ABCC1: variants seen among roughly 807,000 people sequenced by gnomAD.
ABCC1 encodes multidrug resistance-associated protein 1.
Under a neutral mutation model 172.9 loss-of-function variants are expected in ABCC1, and 83 were observed. That is an observed-to-expected ratio of 0.48 (90% CI 0.40 to 0.58). ABCC1 has a LOEUF of 0.58. ABCC1 is among the 20% of genes least tolerant of loss of function. The pLI, the probability that ABCC1 is intolerant of heterozygous loss-of-function variation, is 0.00. For missense variants in ABCC1, 1,817 were observed against 2,002.7 expected, an observed-to-expected ratio of 0.91 and a Z score of 1.77; for synonymous variants, 937 against 825.2, an observed-to-expected ratio of 1.14 and a Z score of -2.32.
intron 1 of ABCC1, among the ~76,000 whole-genome samples, chr16:15,993,332 C>T (rs2046939772): frequency 1.3e-5 from 2 of 152,164 alleles, no homozygotes; most frequent in South Asian, 4.1e-4. Context: ...GCACTTGGGT[C>T]ACCTGATTGA....
chr16:16,078,209 A>G (rs1490258352), intron 15 of ABCC1, among the ~76,000 whole-genome samples: 1 of 152,116 alleles, frequency 6.6e-6, no homozygotes, highest in African/African-American at 2.4e-5. Flanking sequence ...ATAAAAAATA[A>G]AAGCACATTC....
At chr16:16,032,812 G>A (rs907725218) in intron 5 of ABCC1, among the ~76,000 whole-genome samples, 6 of 152,318 alleles carry the variant, frequency 3.9e-5, no homozygotes, top group Non-Finnish European at 8.8e-5. Flanking sequence ...TAGGGATGAC[G>A]TTAACACCAA....
intron 14 of ABCC1, chr16:16,076,058 A>C: frequency 2.0e-6 from 1 of 501,560 alleles, no homozygotes; most frequent in Non-Finnish European, 3.5e-6. Flanking sequence ...GTCATCTCCC[A>C]AGATGATCGT....
chr16:16,034,353 G>A (rs997831046), intron 6 of ABCC1, among the ~76,000 whole-genome samples: 1 of 151,930 alleles, frequency 6.6e-6, no homozygotes, highest in African/African-American at 2.4e-5. Context: ...GACAAACATC[G>A]TTTTAAAAAA....
chr16:16,002,949 T>G (rs2047371060), intron 1 of ABCC1, among the ~76,000 whole-genome samples: 1 of 152,142 alleles, frequency 6.6e-6, no homozygotes, highest in Non-Finnish European at 1.5e-5. Flanking sequence ...GGGGGGCTGT[T>G]AATTTGGGGA....
At chr16:16,048,334 G>A in intron 10 of ABCC1, 31 bp downstream of exon 10, 9 of 1,611,450 alleles carry the variant, frequency 5.6e-6, no homozygotes, top group Non-Finnish European at 6.8e-6. Context: ...CCCTTTGCAT[G>A]CAGGGAGGGA....
chr16:16,041,115 A>G (rs1026640647), intron 7 of ABCC1, among the ~76,000 whole-genome samples: 3 of 109,254 alleles, frequency 2.7e-5, no homozygotes, highest in Non-Finnish European at 5.4e-5. Flanking sequence ...TTTTTTTTGT[A>G]GAGATGATAT....
intron 10 of ABCC1, among the ~76,000 whole-genome samples, chr16:16,050,383 C>T (rs115100175): frequency 0.011 from 1,696 of 151,306 alleles, 30 homozygotes; most frequent in African/African-American, 0.039. Context: ...GGCCTGAATC[C>T]GGGAGGCGGA....
At chr16:16,010,914 GA>G (rs1303707323) in intron 3 of ABCC1, among the ~76,000 whole-genome samples, 1 of 152,162 alleles carries the variant, frequency 6.6e-6, no homozygotes. Flanking sequence ...AGAGTTCTCG[GA>G]GAGTGTAGCC....
intron 12 of ABCC1, chr16:16,056,578 A>G: frequency 2.2e-6 from 1 of 459,144 alleles, no homozygotes; most frequent in Non-Finnish European, 4.0e-6. Flanking sequence ...CTGAGGCAAG[A>G]GAATTACTTC....
intron 1 of ABCC1, among the ~76,000 whole-genome samples, chr16:15,957,676 A>T (rs1291971366): frequency 1.3e-5 from 2 of 151,994 alleles, no homozygotes; most frequent in Non-Finnish European, 2.9e-5. Context: ...GCTCACTGCA[A>T]CCTCTGCCTC....
intron 13 of ABCC1, 94 bp from the exon 14 acceptor site, chr16:16,071,548 C>G: frequency 2.0e-6 from 2 of 991,392 alleles, no homozygotes; most frequent in East Asian, 2.6e-5. Context: ...GTGTGCCCCT[C>G]CACACCTGGG....
chr16:16,044,470 A>T lies in ABCC1; in HGVS notation c.830A>T (p.Tyr277Phe). 6.2e-7 allele frequency: 1 copy of T among 1,614,016 alleles called. No individual in the cohort carries two copies. Among genetic ancestry groups the T allele is most frequent in the Non-Finnish European group, 8.5e-7 (1 of 1,179,996 alleles). Residue 277 changes from tyrosine (Y) to phenylalanine (F), a missense_variant, in exon 8 of 31, where the codon TAC becomes TTC. Coordinates refer to ENST00000399410, the MANE Select transcript of ABCC1 (RefSeq NM_004996.4). ...KTRKQPVKVV[Y>F]SSKDPAQPKE... ...TCCAGGCAGCCGGTGAAGGTTGTGT[A>T]CTCCTCCAAGGATCCTGCCCAGCCG...
intron 10 of ABCC1, among the ~76,000 whole-genome samples, chr16:16,052,208 C>CA (rs1409108147): frequency 1.3e-5 from 2 of 150,764 alleles, no homozygotes; most frequent in Admixed American, 1.3e-4. Context: ...TACAAAAAAC[C>CA]AAAAAAATTA....
chr16:16,097,383 G>C (rs1440936967), intron 19 of ABCC1, among the ~76,000 whole-genome samples: 1 of 152,246 alleles, frequency 6.6e-6, no homozygotes, highest in African/African-American at 2.4e-5. Flanking sequence ...AAAGTGCTGG[G>C]ATTACAGGCA....
At position 16,134,479 on chromosome 16, in the gene ABCC1, C is replaced by A; in HGVS notation, c.4096C>A (p.Leu1366Ile). 1 of 1,614,184 alleles carries A rather than the reference C, an allele frequency of 6.2e-7. No individual in the cohort carries two copies. The highest frequency in any genetic ancestry group is 8.5e-7 in the Non-Finnish European group (1 of 1,180,026). ...INIAKIGLHD[L>I]RFKITIIPQD... ...CATCGCCAAGATCGGCCTGCACGAC[C>A]TCCGCTTCAAGATCACCATCATCCC... Residue 1366 changes from leucine to isoleucine, a missense_variant, in exon 28 of 31, where the codon CTC (leucine) becomes ATC (isoleucine). Physicochemically the swap from Leu to Ile is conservative, Grantham distance 5. Around this residue, in one of 3 missense-constraint regions of ABCC1, gnomAD observed 1,412 missense variants for 1,600.3 expected, o/e 0.88. Transcript: ENST00000399410.
chr16:16,034,513 T>C (rs948299231), intron 6 of ABCC1, among the ~76,000 whole-genome samples: 2 of 151,964 alleles, frequency 1.3e-5, no homozygotes, highest in Non-Finnish European at 2.9e-5. Flanking sequence ...CATAAGAGCA[T>C]GTCCTGGATT....
chr16:15,967,128 A>G (rs376928829), intron 1 of ABCC1, among the ~76,000 whole-genome samples: 1 of 152,128 alleles, frequency 6.6e-6, no homozygotes, highest in East Asian at 1.9e-4. Flanking sequence ...TGTTTGGAGA[A>G]AAGGCTCACC....
chr16:16,041,208 AGGC>A (rs2048966523), intron 7 of ABCC1, among the ~76,000 whole-genome samples: 1 of 151,582 alleles, frequency 6.6e-6, no homozygotes, highest in Non-Finnish European at 1.5e-5. Flanking sequence ...CTGGTATTAC[AGGC>A]GTGAGCCACT....
Sources: gnomAD v4.1 joint callset for allele counts (sites outside exome capture counted in the v4.1 genomes callset) on GRCh38, gnomAD v4.1.1 for gene constraint, gnomAD v4.1.1 regional missense constraint, MANE v1.5 for transcripts, NCBI Gene and HGNC (gene_info 2026-07-23, HGNC 2026-07-21) for gene names.